The following CAMK1D variants were observed in gnomAD, a reference collection of about 807,000 sequenced individuals.
The protein encoded by CAMK1D is calcium/calmodulin dependent protein kinase ID, also known as calcium/calmodulin-dependent protein kinase type 1D.
In CAMK1D, 9 loss-of-function variants were observed where a neutral mutation model predicts 47.7. The observed-to-expected ratio is 0.19, with a 90% CI of 0.11 to 0.33. CAMK1D has a LOEUF of 0.33. Among genes scored for constraint, CAMK1D ranks in the 10% least tolerant of loss-of-function variants. The probability of loss-of-function intolerance (pLI) is 1.00; values close to 1 mark genes in which losing one functional copy is unlikely to be tolerated. For missense variants in CAMK1D, 291 were observed against 488.7 expected (o/e 0.60, Z 3.81); for synonymous variants, 184 against 184.9 (o/e 0.99, Z 0.04).
At chr10:12,529,292 T>G (rs749624736) in intron 1 of CAMK1D, among the ~76,000 whole-genome samples, 1 of 152,106 alleles carries the variant, frequency 6.6e-6, no homozygotes, top group African/African-American at 2.4e-5. Context: ...CAAGAGAGGG[T>G]GGACCACCTG....
chr10:12,562,937 CTA>C (rs1162669643), intron 2 of CAMK1D, among the ~76,000 whole-genome samples: 2 of 152,232 alleles, frequency 1.3e-5, no homozygotes, highest in Non-Finnish European at 2.9e-5. Flanking sequence ...AGGGAGGAAT[CTA>C]TGCTGACTTC....
At chr10:12,561,824 A>T (rs1173557625) in intron 2 of CAMK1D, among the ~76,000 whole-genome samples, 1 of 152,204 alleles carries the variant, frequency 6.6e-6, no homozygotes, top group African/African-American at 2.4e-5. Flanking sequence ...CATTTCTGTT[A>T]ATTTCTTGGA....
chr10:12,536,380 G>A (rs983312581), intron 1 of CAMK1D, among the ~76,000 whole-genome samples: 1 of 152,162 alleles, frequency 6.6e-6, no homozygotes, highest in Admixed American at 6.5e-5. Flanking sequence ...CCAGGTTCAA[G>A]CCATTCTCCT....
intron 1 of CAMK1D, among the ~76,000 whole-genome samples, chr10:12,489,605 G>C (rs1219034523): frequency 6.6e-6 from 1 of 152,146 alleles, no homozygotes; most frequent in Non-Finnish European, 1.5e-5. Context: ...AGCTTCGCTC[G>C]TTTTCTCCCT....
intron 6 of CAMK1D, among the ~76,000 whole-genome samples, chr10:12,803,136 A>G (rs1308086305): frequency 2.0e-5 from 3 of 152,268 alleles, no homozygotes; most frequent in Non-Finnish European, 4.4e-5. Context: ...TGCATTAAAT[A>G]AGACAATAAT....
intron 1 of CAMK1D, among the ~76,000 whole-genome samples, chr10:12,457,450 C>T (rs554103699): frequency 2.7e-5 from 4 of 150,802 alleles, no homozygotes; most frequent in South Asian, 2.1e-4. Flanking sequence ...AAGTACAAAA[C>T]GCAAGGTGAA....
intron 2 of CAMK1D, among the ~76,000 whole-genome samples, chr10:12,565,020 A>T (rs922197620): frequency 6.6e-6 from 1 of 152,136 alleles, no homozygotes; most frequent in Non-Finnish European, 1.5e-5. Context: ...ACCAGCCTGG[A>T]CAACATAACA....
At chr10:12,715,957 G>A (rs566621033) in intron 3 of CAMK1D, among the ~76,000 whole-genome samples, 7 of 151,950 alleles carry the variant, frequency 4.6e-5, no homozygotes, top group South Asian at 4.2e-4. Context: ...TGATCCACCC[G>A]CCCCAGCCTC....
rs61670281 is a variant in CAMK1D, at chr10:12,799,373, T to G, written c.641+8140T>G. On this transcript the variant is annotated intron_variant, in intron 6 of 10. Coordinates refer to ENST00000619168, the MANE Select transcript of CAMK1D (RefSeq NM_153498.4). ...TGGGGCCATTGTCAGCCTATGCAGA[T>G]GCGTAACTGCTTACCCATCCAAACT... 7.2e-3 allele frequency among the ~76,000 whole-genome samples: 1,088 copies of G among 151,726 alleles called. 22 individuals are homozygous for G. Among genetic ancestry groups the G allele is most frequent in the African/African-American group, 0.025 (1,030 of 41,300 alleles).
intron 1 of CAMK1D, 48 bp from the exon 2 acceptor site, chr10:12,553,177 A>C: frequency 1.2e-6 from 2 of 1,612,246 alleles, no homozygotes; most frequent in South Asian, 2.2e-5. Context: ...GCCATTGTGA[A>C]ACTGGACTTC....
intron 1 of CAMK1D, among the ~76,000 whole-genome samples, chr10:12,497,416 G>T (rs1834573710): frequency 6.7e-6 from 1 of 148,188 alleles, no homozygotes; most frequent in African/African-American, 2.5e-5. Context: ...GGAGGAAGTT[G>T]CAGTGAACCG....
intron 2 of CAMK1D, among the ~76,000 whole-genome samples, chr10:12,663,651 T>C (rs1840343491): frequency 6.6e-6 from 1 of 152,182 alleles, no homozygotes; most frequent in Admixed American, 6.5e-5. Flanking sequence ...TACCTAGGAC[T>C]GTGCCTGATA....
intron 3 of CAMK1D, among the ~76,000 whole-genome samples, chr10:12,749,980 GAGA>G (rs1835873368): frequency 6.6e-6 from 1 of 152,184 alleles, no homozygotes; most frequent in Admixed American, 6.6e-5. Flanking sequence ...TGCGCTGAGT[GAGA>G]AGGAGCCAAG....
intron 2 of CAMK1D, among the ~76,000 whole-genome samples, chr10:12,665,159 C>G (rs1004857492): frequency 6.6e-6 from 1 of 152,156 alleles, no homozygotes; most frequent in African/African-American, 2.4e-5. Flanking sequence ...TAATTAGACT[C>G]TATTCTTTGG....
At chr10:12,387,997 C>A (rs917265332) in intron 1 of CAMK1D, among the ~76,000 whole-genome samples, 2 of 152,102 alleles carry the variant, frequency 1.3e-5, no homozygotes, top group Non-Finnish European at 2.9e-5. Flanking sequence ...AGCCTCAGCT[C>A]TTTTCTCCCC....
chr10:12,393,493 C>T (rs1219461112), intron 1 of CAMK1D, among the ~76,000 whole-genome samples: 2 of 152,174 alleles, frequency 1.3e-5, no homozygotes, highest in African/African-American at 4.8e-5. Flanking sequence ...TGTGTGTTAC[C>T]ACCATCTGTC....
chr10:12,579,337 G>A (rs4750239), intron 2 of CAMK1D, among the ~76,000 whole-genome samples: 2 of 151,970 alleles, frequency 1.3e-5, no homozygotes, highest in Non-Finnish European at 2.9e-5. Flanking sequence ...GTTGGGCCCC[G>A]TGGCCTTATC....
intron 1 of CAMK1D, among the ~76,000 whole-genome samples, chr10:12,373,065 C>T (rs995063471): frequency 6.6e-6 from 1 of 152,166 alleles, no homozygotes; most frequent in Non-Finnish European, 1.5e-5. Context: ...GTTTGCAAAG[C>T]GCTTGCTTAG....
intron 1 of CAMK1D, among the ~76,000 whole-genome samples, chr10:12,485,095 C>T (rs181233244): frequency 2.0e-5 from 3 of 152,326 alleles, no homozygotes; most frequent in Middle Eastern, 3.4e-3. Context: ...ATGTTTTCAC[C>T]GCTCCCCATA....
Sources: gnomAD v4.1 joint callset for allele counts (sites outside exome capture counted in the v4.1 genomes callset) on GRCh38, gnomAD v4.1.1 for gene constraint, MANE v1.5 for transcripts, NCBI Gene and HGNC (gene_info 2026-07-23, HGNC 2026-07-21) for gene names.